The following WDR12 variants were observed in gnomAD, a reference collection of about 807,000 sequenced individuals.
The protein encoded by WDR12 is WD repeat domain 12.
WDR12 carries 42 observed loss-of-function variants against 64.3 expected under a neutral mutation model. That is an observed-to-expected ratio of 0.65 (90% CI 0.51 to 0.84). The LOEUF is 0.84. Among genes scored for constraint, WDR12 ranks in the 40% least tolerant of loss-of-function variants. The probability of loss-of-function intolerance (pLI) is 0.00; values close to 1 mark genes in which losing one functional copy is unlikely to be tolerated. For synonymous variants in WDR12, 158 were observed against 173.3 expected (o/e 0.91, Z 0.70); for missense variants, 469 against 494.6 (o/e 0.95, Z 0.49).
intron 1 of WDR12, among the ~76,000 whole-genome samples, chr2:202,910,360 T>C (rs1354556390): frequency 1.3e-5 from 2 of 152,016 alleles, no homozygotes; most frequent in African/African-American, 4.8e-5. Flanking sequence ...CTGTCTCTAC[T>C]AAAAATACAA....
chr2:202,888,498 T>A (rs1688091128), intron 8 of WDR12, among the ~76,000 whole-genome samples: 1 of 152,062 alleles, frequency 6.6e-6, no homozygotes, highest in African/African-American at 2.4e-5. Context: ...CACTACAAAC[T>A]AAGTGGAACA....
rs1328290347 is a variant in WDR12 at position 202,874,568 on chromosome 2, G to A, written c.*6292C>T. Among the ~76,000 whole-genome samples, 1 of 152,180 alleles carries A rather than the reference G, an allele frequency of 6.6e-6. No individual in the cohort carries two copies. Among genetic ancestry groups the A allele is most frequent in the African/African-American group, 2.4e-5 (1 of 41,440 alleles). On this transcript the variant is annotated 3_prime_UTR_variant, in exon 13 of 13. Coordinates refer to ENST00000261015, the MANE Select transcript of WDR12 (RefSeq NM_018256.4). ...AGAAAACACTAAAAATTATTCTACT[G>A]TTTTGTACTGTTTTACTAAGGATTA...
intron 3 of WDR12, among the ~76,000 whole-genome samples, chr2:202,900,237 A>G (rs1688324809): frequency 6.6e-6 from 1 of 151,950 alleles, no homozygotes; most frequent in South Asian, 2.1e-4. Context: ...GCTGAGGCGC[A>G]AGAATCATTT....
At chr2:202,883,514 T>A (rs1395821546) in intron 11 of WDR12, 95 bp downstream of exon 11, 3 of 1,369,416 alleles carry the variant, frequency 2.2e-6, no homozygotes, top group Non-Finnish European at 9.8e-7. Context: ...AGGCTTTTTT[T>A]ACTCTTCTGG....
chr2:202,905,923 C>T (rs1688449148), intron 2 of WDR12, among the ~76,000 whole-genome samples: 1 of 151,934 alleles, frequency 6.6e-6, no homozygotes, highest in Non-Finnish European at 1.5e-5. Context: ...TTAATGGGTA[C>T]AAAAGAATTG....
At position 202,875,703 on chromosome 2, in the gene WDR12, G is replaced by C. The variant is rs954230980; in HGVS notation, c.*5157C>G. 13 of 152,080 alleles carry C rather than the reference G, an allele frequency of 8.5e-5. No homozygotes were observed. Among genetic ancestry groups the C allele is most frequent in the Admixed American group, 5.9e-4 (9 of 15,254 alleles). 9.4% of individuals were successfully genotyped at this position (152,080 alleles called of 1,614,324 possible). A position where few individuals can be genotyped will look rare whatever the true frequency, so the allele number is the denominator to read the frequency against. ...GCGCCCAGCCACATATAACCTTTCT[G>C]TTAGGCAAGTGAAGACACTTCCACA... On this transcript the variant is annotated 3_prime_UTR_variant, in exon 13 of 13. Transcript: ENST00000261015.
intron 4 of WDR12, among the ~76,000 whole-genome samples, chr2:202,898,562 C>T (rs369545519): frequency 2.0e-5 from 3 of 152,304 alleles, no homozygotes; most frequent in East Asian, 1.9e-4. Context: ...TTGAAAGAAG[C>T]TCCTACCATA....
At position 202,878,523 on chromosome 2, in the gene WDR12, T is replaced by C. The variant is rs1431264884; in HGVS notation, c.*2337A>G. The C allele has an allele frequency of 1.3e-5, 2 of 152,258 alleles. No individual in the cohort carries two copies. Among genetic ancestry groups the C allele is most frequent in the Non-Finnish European group, 2.9e-5 (2 of 68,048 alleles). The allele number at this position is 152,258 out of a possible 1,614,324, so 9.4% of individuals were successfully genotyped here. A position where few individuals can be genotyped will look rare whatever the true frequency, so the allele number is the denominator to read the frequency against. On this transcript the variant is annotated 3_prime_UTR_variant, in exon 13 of 13. Transcript: ENST00000261015. ...AAAATATACTTTAAGAAATGGTAACTGGAGCTCTAGCTCTTGGTCTATATG... is the reference window on the plus strand; with the variant it reads ...AAAATATACTTTAAGAAATGGTAACCGGAGCTCTAGCTCTTGGTCTATATG...
intron 1 of WDR12, 150 bp from the exon 2 acceptor site, chr2:202,908,109 G>A (rs1439611828): frequency 2.8e-6 from 2 of 717,002 alleles, no homozygotes; most frequent in Non-Finnish European, 4.8e-6. Context: ...ATTAAAACAT[G>A]GTCTCTGTTC....
chr2:202,900,633 T>C (rs368496984), intron 3 of WDR12, among the ~76,000 whole-genome samples: 2 of 152,074 alleles, frequency 1.3e-5, no homozygotes, highest in South Asian at 4.1e-4. Context: ...AAGGGAAAAA[T>C]AACAGTAACT....
At position 202,906,221 on chromosome 2, in the gene WDR12, AAC is replaced by A. The variant is rs1688454612; in HGVS notation, c.136+1642_136+1643del. On this transcript the variant is annotated intron_variant, in intron 2 of 12. Coordinates refer to ENST00000261015, the MANE Select transcript of WDR12 (RefSeq NM_018256.4). Reference sequence around the variant, plus strand: ...GACTTGTTCAACAAATAGACTATATAACAGTTTTGAAATTTATAAAGGTAACT... The same window carrying A: ...GACTTGTTCAACAAATAGACTATATAAGTTTTGAAATTTATAAAGGTAACT... Among the ~76,000 whole-genome samples, 3 of 152,372 alleles carry A rather than the reference AAC, an allele frequency of 2.0e-5. No homozygotes were observed. The South Asian group carries it at 6.2e-4, about 32-fold the overall frequency.
intron 8 of WDR12, among the ~76,000 whole-genome samples, chr2:202,887,170 C>T (rs143107893): frequency 8.9e-4 from 136 of 152,106 alleles, no homozygotes; most frequent in African/African-American, 2.7e-3. Context: ...ATTACAGGCA[C>T]GTGCCACCAC....
At position 202,879,982 on chromosome 2, in the gene WDR12, TCCA is replaced by T. The variant is rs1207713974; in HGVS notation, c.*875_*877del. On this transcript the variant is annotated 3_prime_UTR_variant, in exon 13 of 13. Coordinates refer to ENST00000261015, the MANE Select transcript of WDR12 (RefSeq NM_018256.4). ...GTCTCAAACTCCTGACCTCAGGTGATCCACCTGCCTCGGCCTCCCAATGTGCTG... is the reference window on the plus strand; with the variant it reads ...GTCTCAAACTCCTGACCTCAGGTGATCCTGCCTCGGCCTCCCAATGTGCTG... 6.6e-6 allele frequency: 1 copy of T among 151,370 alleles called. No individual in the cohort carries two copies. The highest frequency in any genetic ancestry group is 2.4e-5 in the African/African-American group (1 of 41,102). The allele number at this position is 151,370 out of a possible 1,614,324, so 9.4% of individuals were successfully genotyped here. A position where few individuals can be genotyped will look rare whatever the true frequency, so the allele number is the denominator to read the frequency against.
intron 12 of WDR12, among the ~76,000 whole-genome samples, chr2:202,881,250 AT>A (rs1173763254): frequency 2.0e-5 from 3 of 152,226 alleles, no homozygotes; most frequent in African/African-American, 7.2e-5. Flanking sequence ...AAAATTAAAA[AT>A]TTTTAAAGGA....
intron 8 of WDR12, among the ~76,000 whole-genome samples, chr2:202,892,010 G>A (rs978620152): frequency 3.3e-5 from 5 of 152,212 alleles, no homozygotes; most frequent in Non-Finnish European, 5.9e-5. Context: ...GGTGATGGAT[G>A]TGTTAATTAA....
intron 8 of WDR12, among the ~76,000 whole-genome samples, chr2:202,889,092 T>C (rs1047510349): frequency 1.3e-5 from 2 of 152,186 alleles, no homozygotes; most frequent in African/African-American, 4.8e-5. Flanking sequence ...AATTTATGCA[T>C]GTATAAATTT....
intron 8 of WDR12, among the ~76,000 whole-genome samples, chr2:202,890,573 T>A (rs899596348): frequency 6.6e-6 from 1 of 151,638 alleles, no homozygotes; most frequent in African/African-American, 2.4e-5. Flanking sequence ...ATCGAGACCA[T>A]CCTGGCTAAC....
intron 6 of WDR12, among the ~76,000 whole-genome samples, chr2:202,895,517 CTTTT>C (rs901435872): frequency 2.7e-5 from 3 of 111,538 alleles, no homozygotes; most frequent in Non-Finnish European, 5.7e-5. Context: ...TCATTTCTTT[CTTTT>C]TTTTTTTTTT....
chr2:202,894,850 A>G (rs1688211586), intron 6 of WDR12: 1 of 404,100 alleles, frequency 2.5e-6, no homozygotes, highest in Admixed American at 4.6e-5. Context: ...ATCTGAAGTG[A>G]GAGAGAATAA....
Sources: allele counts gnomAD v4.1 joint callset (sites outside exome capture counted in the v4.1 genomes callset), GRCh38; gene constraint gnomAD v4.1.1; transcripts MANE v1.5; gene names NCBI Gene and HGNC (gene_info 2026-07-23, HGNC 2026-07-21).